The following NRG3 variants were observed in gnomAD, a reference collection of about 807,000 sequenced individuals.
NRG3 encodes pro-neuregulin-3, membrane-bound isoform.
Under a neutral mutation model 66.9 loss-of-function variants are expected in NRG3, and 31 were observed. That is an observed-to-expected ratio of 0.46 (90% CI 0.35 to 0.63). NRG3 has a LOEUF of 0.63. Ranked by LOEUF, NRG3 falls within the 20% of genes least tolerant of loss-of-function variation. The pLI, the probability that NRG3 is intolerant of heterozygous loss-of-function variation, is 0.00. For synonymous variants in NRG3, 393 were observed against 359.4 expected (o/e 1.09, Z -1.06); for missense variants, 910 against 878.9 (o/e 1.04, Z -0.45).
At chr10:82,750,740 A>G (rs1202595924) in intron 3 of NRG3, among the ~76,000 whole-genome samples, 1 of 152,188 alleles carries the variant, frequency 6.6e-6, no homozygotes, top group Non-Finnish European at 1.5e-5. Context: ...TGCTGAGTCC[A>G]CATTTTAGCC....
chr10:82,561,812 T>C (rs1321539503), intron 2 of NRG3, among the ~76,000 whole-genome samples: 3 of 152,152 alleles, frequency 2.0e-5, no homozygotes. Flanking sequence ...TTAACTGTAA[T>C]ATCTAGAGAA....
intron 1 of NRG3, among the ~76,000 whole-genome samples, chr10:82,045,707 T>C (rs868685704): frequency 0.053 from 3,304 of 61,942 alleles, 386 homozygotes; most frequent in African/African-American, 0.16. Context: ...TTAGGTCTAA[T>C]GTTTAAGTCT....
chr10:82,965,877 C>T (rs1485276762), intron 6 of NRG3, among the ~76,000 whole-genome samples: 1 of 152,074 alleles, frequency 6.6e-6, no homozygotes, highest in African/African-American at 2.4e-5. Context: ...AGGGCCTACA[C>T]CTGAGCTACT....
intron 3 of NRG3, among the ~76,000 whole-genome samples, chr10:82,864,168 A>G (rs985039745): frequency 2.0e-5 from 3 of 152,060 alleles, no homozygotes; most frequent in Non-Finnish European, 4.4e-5. Flanking sequence ...TTTGGAAAAA[A>G]GGGGTGGTGG....
intron 1 of NRG3, among the ~76,000 whole-genome samples, chr10:81,908,380 CAG>C (rs1164860533): frequency 6.6e-6 from 1 of 152,116 alleles, no homozygotes; most frequent in Non-Finnish European, 1.5e-5. Flanking sequence ...TGATTGGTAA[CAG>C]GGTGGGGAAT....
chr10:82,267,118 G>A (rs767189545), intron 1 of NRG3, among the ~76,000 whole-genome samples: 6 of 152,062 alleles, frequency 3.9e-5, no homozygotes, highest in Non-Finnish European at 7.4e-5. Flanking sequence ...TATATTCTAG[G>A]GCTCAGATTC....
intron 1 of NRG3, among the ~76,000 whole-genome samples, chr10:81,953,805 A>C (rs1849584808): frequency 6.6e-6 from 1 of 152,222 alleles, no homozygotes; most frequent in Non-Finnish European, 1.5e-5. Flanking sequence ...AAATGAAAGC[A>C]GAACTTTTTC....
intron 1 of NRG3, among the ~76,000 whole-genome samples, chr10:81,938,817 G>A (rs1848146918): frequency 6.6e-6 from 1 of 151,976 alleles, no homozygotes; most frequent in Admixed American, 6.6e-5. Flanking sequence ...TGGTGAGAGT[G>A]GGTATCCTTG....
chr10:82,052,759 G>A (rs2063661631), intron 1 of NRG3, among the ~76,000 whole-genome samples: 1 of 152,026 alleles, frequency 6.6e-6, no homozygotes, highest in Non-Finnish European at 1.5e-5. Flanking sequence ...ACAAGAAGGG[G>A]CAACATTGTT....
intron 2 of NRG3, among the ~76,000 whole-genome samples, chr10:82,668,252 C>T (rs558740266): frequency 6.6e-6 from 1 of 152,282 alleles, no homozygotes; most frequent in Non-Finnish European, 1.5e-5. Flanking sequence ...AAATGCAGAA[C>T]TATTTATGAT....
intron 2 of NRG3, among the ~76,000 whole-genome samples, chr10:82,614,327 A>G (rs1255397167): frequency 1.3e-5 from 2 of 152,208 alleles, no homozygotes; most frequent in African/African-American, 4.8e-5. Flanking sequence ...TGAGTTTGAC[A>G]TGGTTATGCT....
intron 4 of NRG3, among the ~76,000 whole-genome samples, chr10:82,947,069 A>G (rs944334879): frequency 6.6e-6 from 1 of 152,134 alleles, no homozygotes; most frequent in Non-Finnish European, 1.5e-5. Flanking sequence ...ACATGTCTGT[A>G]ACTCCCAAAA....
intron 2 of NRG3, among the ~76,000 whole-genome samples, chr10:82,629,936 T>A (rs1399994748): frequency 6.6e-6 from 1 of 151,884 alleles, no homozygotes; most frequent in Non-Finnish European, 1.5e-5. Flanking sequence ...AGAAAGGGAG[T>A]GAAAAGCAGA....
At chr10:82,310,796 CCCCTCTCTT>C (rs1564780352) in intron 1 of NRG3, among the ~76,000 whole-genome samples, 3 of 152,110 alleles carry the variant, frequency 2.0e-5, no homozygotes, top group African/African-American at 7.2e-5. Flanking sequence ...TCTCTCTCTT[CCCCTCTCTT>C]CCCTCTCTCC....
chr10:82,775,371 G>T (rs2059875556), intron 3 of NRG3, among the ~76,000 whole-genome samples: 1 of 151,604 alleles, frequency 6.6e-6, no homozygotes, highest in African/African-American at 2.4e-5. Context: ...TGACCAATTG[G>T]TTGTTCATGA....
intron 2 of NRG3, among the ~76,000 whole-genome samples, chr10:82,665,604 T>C (rs1157744769): frequency 1.3e-5 from 2 of 152,166 alleles, no homozygotes; most frequent in African/African-American, 2.4e-5. Context: ...GCATCTTTAG[T>C]CCTTTGATCC....
At position 82,978,938 on chromosome 10, in the gene NRG3, C is replaced by T; in HGVS notation, c.1413-12C>T. The T allele has an allele frequency of 6.2e-7, 1 of 1,611,494 alleles. No individual in the cohort carries two copies. The highest frequency in any genetic ancestry group is 1.1e-5 in the South Asian group (1 of 90,774). Reference sequence around the variant, plus strand: ...GTTTGTTTGTTTGTCTGTTTTCATTCCACCCCAGCAGGAGTCTATCCTCTT... The same window carrying T: ...GTTTGTTTGTTTGTCTGTTTTCATTTCACCCCAGCAGGAGTCTATCCTCTT... On this transcript the variant is annotated splice_polypyrimidine_tract_variant and intron_variant, in intron 7 of 8. Coordinates refer to ENST00000372141, the MANE Select transcript of NRG3 (RefSeq NM_001010848.4).
At chr10:82,028,297 C>G (rs1224037882) in intron 1 of NRG3, among the ~76,000 whole-genome samples, 7 of 152,124 alleles carry the variant, frequency 4.6e-5, no homozygotes, top group Admixed American at 6.5e-5. Flanking sequence ...CAAAACAAAA[C>G]AAAAACCCCC....
intron 2 of NRG3, among the ~76,000 whole-genome samples, chr10:82,578,104 T>C (rs2046139839): frequency 6.6e-6 from 1 of 151,526 alleles, no homozygotes; most frequent in East Asian, 2.0e-4. Context: ...TGATCAGGGC[T>C]GCAGTCACCC....
Sources: gnomAD v4.1 joint callset for allele counts (sites outside exome capture counted in the v4.1 genomes callset) on GRCh38, gnomAD v4.1.1 for gene constraint, MANE v1.5 for transcripts, NCBI Gene and HGNC (gene_info 2026-07-23, HGNC 2026-07-21) for gene names.